Variants in CACNA1E observed in about 807,000 individuals in gnomAD.
CACNA1E encodes voltage-dependent R-type calcium channel subunit alpha-1E.
A neutral mutation model predicts 259.2 loss-of-function variants in CACNA1E; 40 were observed. That is an observed-to-expected ratio of 0.15 (90% CI 0.12 to 0.20). The LOEUF is 0.20. Among genes scored for constraint, CACNA1E ranks in the 10% least tolerant of loss-of-function variants. The pLI is 1.00. For synonymous variants in CACNA1E, 1,104 were observed against 1,138.5 expected (o/e 0.97, Z 0.61); for missense variants, 1,874 against 3,040.1 (o/e 0.62, Z 9.02).
Position 181,797,288 on chromosome 1 carries a change from C to T in CACNA1E, c.6399+430C>T, listed in dbSNP as rs79690826. 2.1e-3 allele frequency among the ~76,000 whole-genome samples: 321 copies of T among 152,274 alleles called. 5 individuals are homozygous for T. The South Asian group carries it at 0.043, about 21-fold the overall frequency. On this transcript the variant is annotated intron_variant, in intron 47 of 47. Transcript: ENST00000367573. ...CACCCTCATTTACCTAGCTTGCAGC[C>T]GTCCCAGCAAGATCATGCCTTTTGC...
At chr1:181,714,965 T>G (rs1653751177) in intron 8 of CACNA1E, among the ~76,000 whole-genome samples, 1 of 152,224 alleles carries the variant, frequency 6.6e-6, no homozygotes, top group African/African-American at 2.4e-5. Flanking sequence ...AAGCTGTTGC[T>G]GCTAGAAGTT....
chr1:181,516,009 C>G (rs1025124917), intron 3 of CACNA1E, among the ~76,000 whole-genome samples: 11 of 152,120 alleles, frequency 7.2e-5, no homozygotes, highest in Non-Finnish European at 1.6e-4. Flanking sequence ...GTGTCTATGT[C>G]TCTCTCATCT....
In CACNA1E at chr1:181,763,512, C is replaced by T; in HGVS notation, c.4796C>T (p.Thr1599Ile). Reference protein sequence around the residue: ...QGYTIRILLWTFVQSFKALPY... With the variant: ...QGYTIRILLWIFVQSFKALPY... Reference sequence around the variant, plus strand: ...TATACCATACGCATTTTGCTGTGGACCTTTGTGCAGTCCTTTAAGGTAAGA... The same window carrying T: ...TATACCATACGCATTTTGCTGTGGATCTTTGTGCAGTCCTTTAAGGTAAGA... The change falls in exon 34 of 48, where the codon ACC becomes ATC. Residue 1599 changes from threonine (T) to isoleucine (I), a missense_variant. By Grantham distance (89) the Thr-to-Ile change is moderately conservative. Around this residue, in one of 14 missense-constraint regions of CACNA1E, gnomAD observed 188 missense variants for 540.6 expected, o/e 0.35. Coordinates refer to ENST00000367573, the MANE Select transcript of CACNA1E (RefSeq NM_001205293.3). The T allele has an allele frequency of 6.3e-7, 1 of 1,586,042 alleles. No homozygotes were observed. Among genetic ancestry groups the T allele is most frequent in the Non-Finnish European group, 8.6e-7 (1 of 1,158,238 alleles).
At chr1:181,793,877 G>A in intron 45 of CACNA1E, 84 bp downstream of exon 45, 9 of 1,439,346 alleles carry the variant, frequency 6.3e-6, no homozygotes, top group Non-Finnish European at 8.4e-6. Context: ...ATTTGCAGGT[G>A]AGCCGTTGAC....
At chr1:181,409,310 G>A (rs1657680813) in intron 1 of CACNA1E, among the ~76,000 whole-genome samples, 1 of 152,162 alleles carries the variant, frequency 6.6e-6, no homozygotes, top group Admixed American at 6.5e-5. Flanking sequence ...TTGCTCTAGA[G>A]AGTTTTGTAT....
At chr1:181,586,906 C>A (rs1652124212) in intron 6 of CACNA1E, among the ~76,000 whole-genome samples, 1 of 152,176 alleles carries the variant, frequency 6.6e-6, no homozygotes, top group African/African-American at 2.4e-5. Flanking sequence ...ATACCACTTA[C>A]ATGCTGATGG....
At chr1:181,673,735 C>T (rs1649057603) in intron 7 of CACNA1E, among the ~76,000 whole-genome samples, 1 of 152,168 alleles carries the variant, frequency 6.6e-6, no homozygotes, top group Non-Finnish European at 1.5e-5. Flanking sequence ...CTGGAAATTA[C>T]AGTCGACATG....
At chr1:181,687,170 A>C (rs1650666585) in intron 7 of CACNA1E, among the ~76,000 whole-genome samples, 1 of 152,304 alleles carries the variant, frequency 6.6e-6, no homozygotes, top group South Asian at 2.1e-4. Context: ...ATGGGAGCCG[A>C]GACCCTGGAG....
intron 25 of CACNA1E, among the ~76,000 whole-genome samples, chr1:181,743,238 C>T (rs1210135406): frequency 2.6e-5 from 4 of 152,208 alleles, no homozygotes. Flanking sequence ...GCCTTCTGTA[C>T]TTTGAGGTCT....
chr1:181,411,835 C>T (rs954378501), intron 1 of CACNA1E, among the ~76,000 whole-genome samples: 6 of 152,258 alleles, frequency 3.9e-5, no homozygotes, highest in Non-Finnish European at 7.3e-5. Context: ...GTCTCAAACT[C>T]CTGACCTCAA....
At chr1:181,603,871 C>A (rs1653972628) in intron 6 of CACNA1E, among the ~76,000 whole-genome samples, 1 of 152,204 alleles carries the variant, frequency 6.6e-6, no homozygotes, top group Admixed American at 6.5e-5. Context: ...TACTGGCTCA[C>A]CGTCAGGTGT....
chr1:181,763,649 G>T (rs1002017622), intron 34 of CACNA1E, 118 bp downstream of exon 34: 1 of 674,908 alleles, frequency 1.5e-6, no homozygotes, highest in Non-Finnish European at 2.2e-6. Flanking sequence ...AGTAGAACGG[G>T]TGTTTGTTAG....
intron 2 of CACNA1E, among the ~76,000 whole-genome samples, chr1:181,470,040 ACAGAGAGAGAGAGT>A (rs1402093440): frequency 3.0e-4 from 46 of 151,232 alleles, no homozygotes; most frequent in South Asian, 1.5e-3. Context: ...TAAAAGATTT[ACAGAGAGAGAGAGT>A]GAGAGAGAGA....
chr1:181,558,805 G>A (rs1649009615), intron 3 of CACNA1E, among the ~76,000 whole-genome samples: 1 of 152,194 alleles, frequency 6.6e-6, no homozygotes, highest in Non-Finnish European at 1.5e-5. Context: ...AATACGGGAG[G>A]AAAGGGTAGG....
At chr1:181,460,523 G>C (rs1431737026) in intron 2 of CACNA1E, among the ~76,000 whole-genome samples, 2 of 152,170 alleles carry the variant, frequency 1.3e-5, no homozygotes, top group Non-Finnish European at 2.9e-5. Flanking sequence ...AACCTACCAA[G>C]GACCTTCATC....
chr1:181,398,039 G>A (rs1343592360), intron 1 of CACNA1E, among the ~76,000 whole-genome samples: 2 of 152,158 alleles, frequency 1.3e-5, no homozygotes, highest in African/African-American at 4.8e-5. Flanking sequence ...GTCTGCCTGG[G>A]GAAGCCGCCT....
At chr1:181,796,404 G>T (rs191065243) in intron 46 of CACNA1E, among the ~76,000 whole-genome samples, 1 of 152,290 alleles carries the variant, frequency 6.6e-6, no homozygotes, top group East Asian at 1.9e-4. Flanking sequence ...AGAGCAGAGA[G>T]ACAGGAAGCA....
chr1:181,795,475 C>T (rs1416504118), intron 46 of CACNA1E, among the ~76,000 whole-genome samples: 2 of 151,082 alleles, frequency 1.3e-5, no homozygotes, highest in Non-Finnish European at 2.9e-5. Flanking sequence ...GAGTTTCACT[C>T]TGCAGCACAG....
intron 1 of CACNA1E, among the ~76,000 whole-genome samples, chr1:181,328,233 C>T (rs1472055630): frequency 6.6e-6 from 1 of 152,120 alleles, no homozygotes; most frequent in Non-Finnish European, 1.5e-5. Context: ...TGCCTTCTCG[C>T]TGTGTCCTCA....
Sources: allele counts gnomAD v4.1 joint callset (sites outside exome capture counted in the v4.1 genomes callset), GRCh38; gene constraint gnomAD v4.1.1; regional missense constraint gnomAD v4.1.1; transcripts MANE v1.5; gene names NCBI Gene and HGNC (gene_info 2026-07-23, HGNC 2026-07-21).